SERINC5: variants seen among roughly 807,000 people sequenced by gnomAD.
SERINC5 encodes the protein serine incorporator 5, also known as chromosome 5 open reading frame 12.
Under a neutral mutation model 63.1 loss-of-function variants are expected in SERINC5, and 41 were observed. The observed-to-expected ratio is 0.65, with a 90% CI of 0.51 to 0.84. The LOEUF is 0.84. Among genes scored for constraint, SERINC5 ranks in the 40% least tolerant of loss-of-function variants. The pLI is 0.00. For synonymous variants in SERINC5, 222 were observed against 215.2 expected (o/e 1.03, Z -0.28); for missense variants, 523 against 573.0 (o/e 0.91, Z 0.89).
At chr5:80,177,173 C>T in intron 4 of SERINC5, 142 bp downstream of exon 4, 2 of 604,430 alleles carry the variant, frequency 3.3e-6, no homozygotes, top group Non-Finnish European at 3.0e-6. Flanking sequence ...AAAGTATGGG[C>T]AGGTAAGTCA....
intron 2 of SERINC5, among the ~76,000 whole-genome samples, chr5:80,190,709 G>A (rs1423961087): frequency 6.6e-6 from 1 of 152,170 alleles, no homozygotes; most frequent in Middle Eastern, 3.2e-3. Flanking sequence ...GTTTGCCTTA[G>A]GCAGGACATT....
chr5:80,143,521 CAGG>C lies in SERINC5; in HGVS notation c.*139_*141del, dbSNP rs1218835252. On this transcript the variant is annotated 3_prime_UTR_variant, in exon 12 of 12. Transcript: ENST00000507668. ...TGAATTTCAAAAGTAAAAAGCTAAT[CAGG>C]AGATTTTTTTTTTTCTCTCTCAAAG... 1 of 1,370,218 alleles carries C rather than the reference CAGG, an allele frequency of 7.3e-7. No individual in the cohort carries two copies. The highest frequency in any genetic ancestry group is 9.4e-7 in the Non-Finnish European group (1 of 1,064,858). 84.9% of individuals were successfully genotyped at this position (1,370,218 alleles called of 1,614,324 possible).
At chr5:80,205,888 A>G (rs567305482) in intron 1 of SERINC5, among the ~76,000 whole-genome samples, 1 of 151,192 alleles carries the variant, frequency 6.6e-6, no homozygotes, top group African/African-American at 2.4e-5. Context: ...CCTGGCCAAC[A>G]TGGTGAAACC....
chr5:80,166,316 T>C (rs1747297889), intron 7 of SERINC5, 67 bp downstream of exon 7: 5 of 1,086,792 alleles, frequency 4.6e-6, no homozygotes, highest in Admixed American at 2.0e-5. Context: ...ATTTAAACAA[T>C]AGCTCATTCC....
chr5:80,159,038 A>G (rs902261103), intron 7 of SERINC5, 76 bp from the exon 8 acceptor site: 70 of 1,505,190 alleles, frequency 4.7e-5, no homozygotes, highest in Non-Finnish European at 6.0e-5. Context: ...TCATTTTGGG[A>G]AAATTCAGGT....
chr5:80,197,076 C>T (rs554064774), intron 2 of SERINC5, among the ~76,000 whole-genome samples: 68 of 152,106 alleles, frequency 4.5e-4, no homozygotes, highest in Non-Finnish European at 7.8e-4. Flanking sequence ...GGGCCAGGTG[C>T]GGTGGCTCAC....
At chr5:80,202,857 T>A in intron 2 of SERINC5, 29 bp downstream of exon 2, 2 of 1,584,436 alleles carry the variant, frequency 1.3e-6, no homozygotes, top group Non-Finnish European at 1.7e-6. Flanking sequence ...ACATCGGAAA[T>A]AGGACGAGCT....
intron 2 of SERINC5, among the ~76,000 whole-genome samples, chr5:80,191,890 T>C (rs1130011): frequency 0.39 from 58,830 of 151,942 alleles, 12,114 homozygotes; most frequent in East Asian, 0.8. Flanking sequence ...AATGTTCAGG[T>C]CACTGACGTT....
intron 1 of SERINC5, among the ~76,000 whole-genome samples, chr5:80,222,746 G>A (rs34210740): frequency 0.6 from 90,956 of 151,692 alleles, 27,533 homozygotes; most frequent in African/African-American, 0.67. Flanking sequence ...CTAATTTTTT[G>A]TATTTTTAGT....
chr5:80,161,936 C>G (rs546090784), intron 7 of SERINC5, among the ~76,000 whole-genome samples: 49 of 152,202 alleles, frequency 3.2e-4, no homozygotes, highest in African/African-American at 1.1e-3. Context: ...TATGGAAATC[C>G]AAATTTTCCA....
intron 7 of SERINC5, 82 bp from the exon 8 acceptor site, chr5:80,159,044 C>A: frequency 6.8e-7 from 1 of 1,470,618 alleles, no homozygotes; most frequent in South Asian, 1.2e-5. Flanking sequence ...TGGGAAAATT[C>A]AGGTAGCTGT....
intron 2 of SERINC5, among the ~76,000 whole-genome samples, chr5:80,185,582 G>A (rs1221951819): frequency 2.6e-5 from 4 of 152,226 alleles, no homozygotes; most frequent in Admixed American, 2.6e-4. Flanking sequence ...GGGTGCAGGC[G>A]GGCTGAGTCC....
In SERINC5 at chr5:80,142,788, A is replaced by G. The variant is rs1458899288; in HGVS notation, c.*875T>C. 1 of 985,362 alleles carries G rather than the reference A, an allele frequency of 1.0e-6. No individual in the cohort carries two copies. The highest frequency in any genetic ancestry group is 1.1e-4 in the East Asian group (1 of 8,834). The allele number at this position is 985,362 out of a possible 1,614,324, so 61.0% of individuals were successfully genotyped here. A position where few individuals can be genotyped will look rare whatever the true frequency, so the allele number is the denominator to read the frequency against. ...GCAGCTTTTCAGTTAAGGTCCTAAAAGTATTATCATTATCAACAGCACAAA... is the reference window on the plus strand; with the variant it reads ...GCAGCTTTTCAGTTAAGGTCCTAAAGGTATTATCATTATCAACAGCACAAA... On this transcript the variant is annotated 3_prime_UTR_variant, in exon 12 of 12. Transcript: ENST00000507668.
intron 1 of SERINC5, among the ~76,000 whole-genome samples, chr5:80,233,070 A>G (rs1444198437): frequency 1.3e-5 from 2 of 152,188 alleles, no homozygotes; most frequent in Non-Finnish European, 2.9e-5. Flanking sequence ...AAAACCACTG[A>G]ATTGCACACT....
chr5:80,144,769 G>A (rs1745713527), intron 11 of SERINC5, among the ~76,000 whole-genome samples: 3 of 152,172 alleles, frequency 2.0e-5, no homozygotes, highest in Admixed American at 1.3e-4. Flanking sequence ...GTCATAGTCT[G>A]TCTCTCCTGC....
At chr5:80,164,777 A>C (rs558506513) in intron 7 of SERINC5, among the ~76,000 whole-genome samples, 4 of 152,112 alleles carry the variant, frequency 2.6e-5, no homozygotes, top group African/African-American at 7.2e-5. Context: ...GTTAATTTGT[A>C]ATCTTTCTGC....
At chr5:80,163,891 A>C (rs1181441827) in intron 7 of SERINC5, among the ~76,000 whole-genome samples, 4 of 152,080 alleles carry the variant, frequency 2.6e-5, no homozygotes, top group Non-Finnish European at 5.9e-5. Flanking sequence ...TTGTATAATG[A>C]GTCAGGGAGA....
At chr5:80,192,435 A>G (rs1215199797) in intron 2 of SERINC5, among the ~76,000 whole-genome samples, 1 of 147,096 alleles carries the variant, frequency 6.8e-6, no homozygotes, top group Non-Finnish European at 1.5e-5. Flanking sequence ...CCCATATGTC[A>G]TTTTTTTTTT....
chr5:80,112,187 C>G (rs1463220022), intron 12 of SERINC5, among the ~76,000 whole-genome samples: 1 of 152,120 alleles, frequency 6.6e-6, no homozygotes, highest in South Asian at 2.1e-4. Context: ...TGTCTCATAC[C>G]GAACGGAATG....
Sources: gnomAD v4.1 joint callset for allele counts (sites outside exome capture counted in the v4.1 genomes callset) on GRCh38, gnomAD v4.1.1 for gene constraint, MANE v1.5 for transcripts, NCBI Gene and HGNC (gene_info 2026-07-23, HGNC 2026-07-21) for gene names.